The following LDLRAD4 variants were observed in gnomAD, a reference collection of about 807,000 sequenced individuals.
LDLRAD4 encodes the protein low density lipoprotein receptor class A domain containing 4, also known as low-density lipoprotein receptor class A domain-containing protein 4.
LDLRAD4 carries 5 observed loss-of-function variants against 17.0 expected under a neutral mutation model. That is an observed-to-expected ratio of 0.29 (90% confidence interval 0.15 to 0.62). LDLRAD4 has a LOEUF of 0.62. Among genes scored for constraint, LDLRAD4 ranks in the 20% least tolerant of loss-of-function variants. LDLRAD4 has a pLI of 0.84. For missense variants in LDLRAD4, 340 were observed against 424.7 expected (o/e 0.80, Z 1.75); for synonymous variants, 168 against 171.8 (o/e 0.98, Z 0.17).
chr18:13,300,185 GT>G lies in LDLRAD4; in HGVS notation c.-383+21999del, dbSNP rs1347511204. Among the ~76,000 whole-genome samples, 2 of 152,212 alleles carry G rather than the reference GT, an allele frequency of 1.3e-5. No individual in the cohort carries two copies. Among genetic ancestry groups the G allele is most frequent in the Non-Finnish European group, 2.9e-5 (2 of 68,036 alleles). On this transcript the variant is annotated intron_variant, in intron 1 of 5. Transcript: ENST00000359446. This position sits in a 1 kb window ranked among gnomAD's most constrained non-coding sequence, Gnocchi z 4.2. ...TCCTGCTTGTCTCTGGAGAGCCGTG[GT>G]TCCAGGGCCAGCAGGTGCCTCCTTA...
chr18:13,390,244 C>T (rs1044428079), intron 2 of LDLRAD4, among the ~76,000 whole-genome samples: 7 of 152,226 alleles, frequency 4.6e-5, no homozygotes, highest in Non-Finnish European at 7.3e-5. Context: ...CAAGGTGTGC[C>T]AGCGGCAGTG....
chr18:13,643,375 C>T, exon 5 of LDLRAD4: 2 of 1,438,776 alleles, frequency 1.4e-6, no homozygotes, highest in Non-Finnish European at 1.8e-6. Context: ...TGCCTGTGGC[C>T]TTCAGACAGC....
intron 1 of LDLRAD4, among the ~76,000 whole-genome samples, chr18:13,238,184 A>G (rs2042429939): frequency 6.6e-6 from 1 of 152,206 alleles, no homozygotes; most frequent in Non-Finnish European, 1.5e-5. Flanking sequence ...GAGATCACAG[A>G]GCCATCTAAG....
At chr18:13,585,895 T>G (rs1339749186) in intron 3 of LDLRAD4, among the ~76,000 whole-genome samples, 3 of 152,228 alleles carry the variant, frequency 2.0e-5, no homozygotes, top group Non-Finnish European at 4.4e-5. Flanking sequence ...AGTTAGCTAA[T>G]ATCTGCAAAC....
In LDLRAD4 at chr18:13,406,238, C is replaced by T. The variant is rs191276327; in HGVS notation, c.40+18476C>T. Among the ~76,000 whole-genome samples, 142 of 152,266 alleles carry T rather than the reference C, an allele frequency of 9.3e-4. 2 individuals carry two copies. Among genetic ancestry groups the T allele is most frequent in the African/African-American group, 3.4e-3 (140 of 41,560 alleles). On this transcript the variant is annotated intron_variant, in intron 2 of 5. Transcript: ENST00000359446. ...ATGACGGATGGTGAAATTGCAGCCCCCAAGTGACCTTGGTGCCTTCTAGCT... is the reference window on the plus strand; with the variant it reads ...ATGACGGATGGTGAAATTGCAGCCCTCAAGTGACCTTGGTGCCTTCTAGCT...
intron 1 of LDLRAD4, among the ~76,000 whole-genome samples, chr18:13,234,259 G>T (rs867896906): frequency 1.3e-5 from 2 of 152,094 alleles, no homozygotes; most frequent in Non-Finnish European, 2.9e-5. Context: ...CCTCACCCAC[G>T]TACCCCCTCG....
chr18:13,374,967 C>T (rs1173633198), intron 1 of LDLRAD4, among the ~76,000 whole-genome samples: 1 of 152,200 alleles, frequency 6.6e-6, no homozygotes, highest in African/African-American at 2.4e-5. Flanking sequence ...CACCCAGCCT[C>T]CACTCCCTTC....
At chr18:13,404,563 C>T (rs767168801) in intron 2 of LDLRAD4, among the ~76,000 whole-genome samples, 7 of 152,148 alleles carry the variant, frequency 4.6e-5, no homozygotes, top group African/African-American at 1.2e-4. Context: ...CTTGGGAGGC[C>T]GAGACGGGCG....
At chr18:13,490,160 G>A (rs1475841585) in intron 3 of LDLRAD4, 1 of 152,092 alleles carries the variant, frequency 6.6e-6, no homozygotes, top group African/African-American at 2.4e-5. Flanking sequence ...GGCTTCCTGT[G>A]ATCCACTGTG....
intron 1 of LDLRAD4, among the ~76,000 whole-genome samples, chr18:13,288,424 A>C (rs544512445): frequency 2.0e-5 from 3 of 152,246 alleles, no homozygotes; most frequent in African/African-American, 7.2e-5. Flanking sequence ...TGTCCAATTT[A>C]TAGTAAAGAA....
chr18:13,589,432 G>C (rs1241325561), intron 3 of LDLRAD4, among the ~76,000 whole-genome samples: 1 of 152,194 alleles, frequency 6.6e-6, no homozygotes, highest in African/African-American at 2.4e-5. Flanking sequence ...CCTCCGTGGA[G>C]ACCCAGGGAG....
intron 3 of LDLRAD4, among the ~76,000 whole-genome samples, chr18:13,456,386 G>C (rs2092135154): frequency 6.6e-6 from 1 of 152,234 alleles, no homozygotes; most frequent in South Asian, 2.1e-4. Flanking sequence ...CACCTTGCCA[G>C]GGTTTCCCTG....
At chr18:13,604,711 A>T (rs1271506404) in intron 3 of LDLRAD4, among the ~76,000 whole-genome samples, 2 of 152,240 alleles carry the variant, frequency 1.3e-5, no homozygotes, top group Admixed American at 6.5e-5. Context: ...GAGTAACTAC[A>T]TCAAGCATTT....
intron 1 of LDLRAD4, among the ~76,000 whole-genome samples, chr18:13,306,609 C>T (rs1253129617): frequency 6.6e-6 from 1 of 152,158 alleles, no homozygotes; most frequent in Non-Finnish European, 1.5e-5. Context: ...TGAAGGAGAA[C>T]CCTGATAGAG....
At chr18:13,573,466 C>T (rs2094721294) in intron 3 of LDLRAD4, among the ~76,000 whole-genome samples, 1 of 152,176 alleles carries the variant, frequency 6.6e-6, no homozygotes, top group Non-Finnish European at 1.5e-5. Context: ...TCTCGAACTC[C>T]TGGCCTCAGG....
chr18:13,628,994 C>A (rs1167521472), intron 4 of LDLRAD4, among the ~76,000 whole-genome samples: 1 of 152,108 alleles, frequency 6.6e-6, no homozygotes, highest in Non-Finnish European at 1.5e-5. Context: ...CCATGCCTGG[C>A]TAATTTTTAA....
intron 1 of LDLRAD4, among the ~76,000 whole-genome samples, chr18:13,306,467 C>G (rs577526579): frequency 1.3e-5 from 2 of 152,208 alleles, no homozygotes; most frequent in Non-Finnish European, 2.9e-5. Context: ...GAGTTCAACA[C>G]TGAAGGCTGA....
Position 13,473,662 on chromosome 18 carries a change from T to TC in LDLRAD4, c.181+35278_181+35279insC, listed in dbSNP as rs1349550137. Reference sequence around the variant, plus strand: ...ATATATATATATATATATATATATATATATATATATATATATAACGTTTAC... The same window carrying TC: ...ATATATATATATATATATATATATATCATATATATATATATATAACGTTTAC... On this transcript the variant is annotated intron_variant, in intron 3 of 5. Transcript: ENST00000359446. Among the ~76,000 whole-genome samples the TC allele has an allele frequency of 4.0e-4, 44 of 108,724 alleles. 1 individual carries two copies. The highest frequency in any genetic ancestry group is 1.5e-3 in the African/African-American group (43 of 29,222). The allele number at this position is 108,724 out of a possible 152,430, so 71.3% of individuals were successfully genotyped here.
At chr18:13,627,331 A>G (rs1029048503) in intron 4 of LDLRAD4, among the ~76,000 whole-genome samples, 3 of 152,222 alleles carry the variant, frequency 2.0e-5, no homozygotes, top group Admixed American at 6.5e-5. Context: ...CTTCTCTTGA[A>G]AAAGCAGCCT....
Sources: allele counts gnomAD v4.1 joint callset (sites outside exome capture counted in the v4.1 genomes callset), GRCh38; gene constraint gnomAD v4.1.1; non-coding constraint Gnocchi (gnomAD v3.1); transcripts MANE v1.5; gene names NCBI Gene and HGNC (gene_info 2026-07-23, HGNC 2026-07-21).